The following GPN3 variants were observed in gnomAD, a reference collection of about 807,000 sequenced individuals.
The protein encoded by GPN3 is GPN-loop GTPase 3.
Under a neutral mutation model 38.7 loss-of-function variants are expected in GPN3, and 31 were observed. That is an observed-to-expected ratio of 0.80 (90% CI 0.60 to 1.08). The LOEUF is 1.08. Ranked by LOEUF, GPN3 falls within the 50% of genes least tolerant of loss-of-function variation. GPN3 has a pLI of 0.00. For synonymous variants in GPN3, 116 were observed against 120.2 expected (o/e 0.96, Z 0.23); for missense variants, 301 against 354.4 (o/e 0.85, Z 1.21).
At position 110,465,307 on chromosome 12, in the gene GPN3, T is replaced by C. The variant is rs1592968162; in HGVS notation, c.49-93A>G. On this transcript the variant is annotated intron_variant, in intron 1 of 7. Transcript: ENST00000228827. ...ATACTATCCACTAAGGTCAAAACTA[T>C]GCCTTCATCAACCAAGAGGCTGACT... 1.0e-4 allele frequency: 80 copies of C among 778,466 alleles called. No homozygotes were observed. The South Asian group carries it at 1.0e-3, about 10-fold the overall frequency. 48.2% of individuals were successfully genotyped at this position (778,466 alleles called of 1,614,324 possible). A position where few individuals can be genotyped will look rare whatever the true frequency, so the allele number is the denominator to read the frequency against.
Position 110,465,140 on chromosome 12 carries a change from T to G in GPN3, c.123A>C (p.Pro41=), listed in dbSNP as rs369420622. 9.3e-6 allele frequency: 15 copies of G among 1,609,012 alleles called. 1 individual carries two copies. Among genetic ancestry groups the G allele is most frequent in the Middle Eastern group, 1.7e-4 (1 of 6,050 alleles). Reference sequence around the variant, plus strand: ...CGGAGTAGTTGAAGTGTTCTGCTGCTGGATCCAGGTTTACAACTTGGACAG... The same window carrying G: ...CGGAGTAGTTGAAGTGTTCTGCTGCGGGATCCAGGTTTACAACTTGGACAG... ...NRSVQVVNLD[P]AAEHFNYSVM... The change falls in exon 2 of 8, where the codon CCA becomes CCC. Residue 41 remains proline (P), a synonymous_variant. Coordinates refer to ENST00000228827, the MANE Select transcript of GPN3 (RefSeq NM_016301.4).
rs117941866 is a variant in GPN3, at chr12:110,465,794, G to A, written c.49-580C>T. ...TGTTACCGTACTATGTTAACATCTC[G>A]GGCTGGGTGCAGTGGCTCACACCTG... On this transcript the variant is annotated intron_variant, in intron 1 of 7. Transcript: ENST00000228827. Among the ~76,000 whole-genome samples the A allele has an allele frequency of 3.5e-3, 526 of 152,148 alleles. 2 individuals carry two copies. Among genetic ancestry groups the A allele is most frequent in the Middle Eastern group, 0.017 (5 of 294 alleles).
At chr12:110,467,013 G>A (rs2062635315) in intron 1 of GPN3, among the ~76,000 whole-genome samples, 1 of 143,946 alleles carries the variant, frequency 6.9e-6, no homozygotes, top group African/African-American at 2.6e-5. Context: ...TTTTTTTTGC[G>A]ACAGTACCTC....
chr12:110,467,403 A>G (rs2062640231), intron 1 of GPN3, among the ~76,000 whole-genome samples: 1 of 152,224 alleles, frequency 6.6e-6, no homozygotes, highest in Non-Finnish European at 1.5e-5. Flanking sequence ...TCCCTACTGT[A>G]AACTGAAAAC....
At chr12:110,462,470 T>A (rs1592965991) in intron 2 of GPN3, among the ~76,000 whole-genome samples, 2 of 152,332 alleles carry the variant, frequency 1.3e-5, no homozygotes, top group East Asian at 3.9e-4. Flanking sequence ...CCCCACAAAA[T>A]GCTGTTAATT....
rs200244421 is a variant in GPN3 at position 110,459,812 on chromosome 12, G to A, written c.208C>T (p.Arg70Ter). The A allele has an allele frequency of 1.9e-4, 306 of 1,613,426 alleles. No individual in the cohort carries two copies. Among genetic ancestry groups the A allele is most frequent in the Admixed American group, 1.2e-4 (7 of 59,984 alleles). The change falls in exon 3 of 8, where the codon CGA (arginine) becomes TGA (stop). Residue 70 changes from arginine to a stop codon, truncating the protein, a stop_gained. Transcript: ENST00000228827. LOFTEE classifies it high-confidence loss of function. ...ACCAATCCTCCGTTGGGACCGAATC[G>A]CAGAGAATCATCCTCCATTACATCA... ...VDDVMEDDSL[R>*]FGPNGGLVFC...
intron 2 of GPN3, chr12:110,461,303 G>C: frequency 1.7e-6 from 2 of 1,179,782 alleles, no homozygotes; most frequent in African/African-American, 3.0e-5. Context: ...ATATACTTTG[G>C]TTACCTATGT....
chr12:110,454,726 G>C (rs2135513347), intron 6 of GPN3, among the ~76,000 whole-genome samples: 4 of 151,622 alleles, frequency 2.6e-5, no homozygotes, highest in Middle Eastern at 6.8e-3. Flanking sequence ...GACATGATCT[G>C]ATCATGGCTC....
rs902296231 is a variant in GPN3 at position 110,458,643 on chromosome 12, G to T, written c.326-1009C>A. Among the ~76,000 whole-genome samples, 3 of 152,070 alleles carry T rather than the reference G, an allele frequency of 2.0e-5. No homozygotes were observed. Among genetic ancestry groups the T allele is most frequent in the Non-Finnish European group, 2.9e-5 (2 of 68,018 alleles). Reference sequence around the variant, plus strand: ...TAAAAATACAAAAATAGCCGGGTGTGGTGGTGGGTGCCTGTAATCCCAGCT... The same window carrying T: ...TAAAAATACAAAAATAGCCGGGTGTTGTGGTGGGTGCCTGTAATCCCAGCT... On this transcript the variant is annotated intron_variant, in intron 3 of 7. Coordinates refer to ENST00000228827, the MANE Select transcript of GPN3 (RefSeq NM_016301.4). The surrounding 1 kb of genome is among the most constrained non-coding windows in gnomAD (Gnocchi z 4.4).
At chr12:110,468,522 T>G (rs1443730086), upstream of GPN3, 2 of 1,537,274 alleles carry the variant, frequency 1.3e-6, no homozygotes, top group African/African-American at 1.4e-5. Context: ...CGCCACGTGC[T>G]TCGGTCCGTG....
At chr12:110,468,566 C>A (rs1217722335), upstream of GPN3, 1 of 1,537,272 alleles carries the variant, frequency 6.5e-7, no homozygotes, top group Non-Finnish European at 8.7e-7. Context: ...GTATGGTGAC[C>A]CTCGCGATTT....
chr12:110,460,385 A>G (rs1027131484), intron 2 of GPN3, among the ~76,000 whole-genome samples: 3 of 152,210 alleles, frequency 2.0e-5, no homozygotes, highest in African/African-American at 7.2e-5. Context: ...AACCATGTGA[A>G]TATGTATTAC....
At position 110,453,924 on chromosome 12, in the gene GPN3, T is replaced by A; in HGVS notation, c.664-53A>T. ...TCATTCTGAAGTTGTGCAAAATACATAATTTTCAACTTATATTTGAGTTTT... is the reference window on the plus strand; with the variant it reads ...TCATTCTGAAGTTGTGCAAAATACAAAATTTTCAACTTATATTTGAGTTTT... On this transcript the variant is annotated intron_variant, in intron 6 of 7. Coordinates refer to ENST00000228827, the MANE Select transcript of GPN3 (RefSeq NM_016301.4). 2.8e-6 allele frequency: 4 copies of A among 1,429,008 alleles called. No individual in the cohort carries two copies. In the South Asian group the frequency reaches 4.9e-5, roughly 17 times the overall value. 88.5% of individuals were successfully genotyped at this position (1,429,008 alleles called of 1,614,324 possible).
intron 2 of GPN3, among the ~76,000 whole-genome samples, chr12:110,462,923 G>T (rs2062600612): frequency 6.6e-6 from 1 of 151,908 alleles, no homozygotes; most frequent in East Asian, 1.9e-4. Flanking sequence ...TGCCCGGCTA[G>T]TTTTTTGTAT....
chr12:110,462,032 G>A (rs1321160503), intron 2 of GPN3, among the ~76,000 whole-genome samples: 1 of 152,044 alleles, frequency 6.6e-6, no homozygotes, highest in Non-Finnish European at 1.5e-5. Context: ...TTGTAGAGAT[G>A]GGGTTTCACC....
chr12:110,461,200 T>A, intron 2 of GPN3: 1 of 1,289,306 alleles, frequency 7.8e-7, no homozygotes. Flanking sequence ...TCAACAAAGC[T>A]GTCTGGGCCA....
At position 110,463,825 on chromosome 12, in the gene GPN3, C is replaced by T. The variant is rs1017780792; in HGVS notation, c.157+1281G>A. Among the ~76,000 whole-genome samples, 5 of 151,232 alleles carry T rather than the reference C, an allele frequency of 3.3e-5. No individual in the cohort carries two copies. The Admixed American group carries it at 3.3e-4, about 10-fold the overall frequency. On this transcript the variant is annotated intron_variant, in intron 2 of 7. Transcript: ENST00000228827. The stretch of plus-strand genomic sequence containing the variant: ...CCAAAACGTGTATCAAATGTCAATC[C>T]TTTCCTCTTCTTAAAACCCTCTAGT...
intron 2 of GPN3, among the ~76,000 whole-genome samples, chr12:110,462,348 C>A (rs2062595371): frequency 6.6e-6 from 1 of 152,022 alleles, no homozygotes; most frequent in Admixed American, 6.6e-5. Flanking sequence ...AGAGAACGTC[C>A]CCAAACCTAA....
intron 2 of GPN3, chr12:110,461,396 A>C: frequency 3.3e-6 from 2 of 609,232 alleles, no homozygotes; most frequent in Non-Finnish European, 5.7e-6. Flanking sequence ...TAAAGTTATA[A>C]AATTGAAAAA....
Sources: gnomAD v4.1 joint callset for allele counts (sites outside exome capture counted in the v4.1 genomes callset) on GRCh38, gnomAD v4.1.1 for gene constraint, Gnocchi (gnomAD v3.1) non-coding constraint, MANE v1.5 for transcripts, NCBI Gene and HGNC (gene_info 2026-07-23, HGNC 2026-07-21) for gene names.